The following PXN variants were observed in gnomAD, a reference collection of about 807,000 sequenced individuals.
PXN encodes the protein paxillin, also known as testicular tissue protein Li 134.
In PXN, 61 loss-of-function variants were observed where a neutral mutation model predicts 103.6. That is an observed-to-expected ratio of 0.59 (90% CI 0.48 to 0.73). The LOEUF (loss-of-function observed/expected upper bound fraction) is 0.73, where lower values mean the gene tolerates loss of function less well. Among genes scored for constraint, PXN ranks in the 30% least tolerant of loss-of-function variants. The pLI, the probability that PXN is intolerant of heterozygous loss-of-function variation, is 0.00. For missense variants in PXN, 1,274 were observed against 1,460.3 expected, an observed-to-expected ratio of 0.87 and a Z score of 2.08; for synonymous variants, 562 against 607.8, an observed-to-expected ratio of 0.92 and a Z score of 1.11.
At position 120,235,422 on chromosome 12, in the gene PXN, C is replaced by A. The variant is rs558537981; in HGVS notation, c.14-11045G>T. On this transcript the variant is annotated intron_variant, in intron 1 of 14. Coordinates refer to ENST00000637617, the MANE Select transcript of PXN (RefSeq NM_001385981.1). ...TTGTTGCCAGGGATTAGAATGCAGA[C>A]ACCCAGAGCCGCCCCATAAGGCCCC... 7.2e-5 allele frequency among the ~76,000 whole-genome samples: 11 copies of A among 152,258 alleles called. No individual in the cohort carries two copies. In the South Asian group the frequency reaches 1.2e-3, roughly 17 times the overall value.
At chr12:120,252,478 C>T (rs1892344338) in intron 1 of PXN, among the ~76,000 whole-genome samples, 1 of 152,032 alleles carries the variant, frequency 6.6e-6, no homozygotes, top group South Asian at 2.1e-4. Context: ...TAAGGTGAGT[C>T]AGGAGAAGGC....
rs1880072579 is a variant in PXN at position 120,211,114 on chromosome 12, G to A, written c.*1200C>T. On this transcript the variant is annotated 3_prime_UTR_variant, in exon 15 of 15. Transcript: ENST00000637617. ...GCAGTGGGGGCTCAGAAGGTTCAGT[G>A]GGTTCACAGGGGAGCAGAGGCTCCT... is the stretch of plus-strand genomic sequence containing the variant. 1 of 152,220 alleles carries A rather than the reference G, an allele frequency of 6.6e-6. No homozygotes were observed. Among genetic ancestry groups the A allele is most frequent in the South Asian group, 2.1e-4 (1 of 4,828 alleles). The allele number at this position is 152,220 out of a possible 1,614,324, so 9.4% of individuals were successfully genotyped here. A position where few individuals can be genotyped will look rare whatever the true frequency, so the allele number is the denominator to read the frequency against.
chr12:120,222,864 T>G lies in PXN; in HGVS notation c.492A>C (p.Ala164=). 6.2e-7 allele frequency: 1 copy of G among 1,613,696 alleles called. No individual in the cohort carries two copies. Among genetic ancestry groups the G allele is most frequent in the Non-Finnish European group, 8.5e-7 (1 of 1,179,736 alleles). Residue 164 remains alanine, a splice_region_variant and synonymous_variant, in exon 4 of 15, where the codon GCA becomes GCC. Transcript: ENST00000637617. The surrounding 1 kb of genome is among the most constrained non-coding windows in gnomAD (Gnocchi z 4.7). ...AVQHNPPGFP[A]DEANSSPPLP... ...CCTGCCCCAGGGACCCGGTCCTACC[T>G]GCAGGGAAGCCTGGCGGGTTATGCT...
Position 120,221,545 on chromosome 12 carries a change from C to A in PXN, c.831+78G>T. The A allele has an allele frequency of 6.9e-7, 1 of 1,453,094 alleles. No individual in the cohort carries two copies. Among genetic ancestry groups the A allele is most frequent in the African/African-American group, 1.4e-5 (1 of 71,610 alleles). 90.0% of individuals were successfully genotyped at this position (1,453,094 alleles called of 1,614,324 possible). Reference sequence around the variant, plus strand: ...CAAACACTGAGATGCCAAGATCCAGCTACCCACACTGAGGTAAGGGAGGAG... The same window carrying A: ...CAAACACTGAGATGCCAAGATCCAGATACCCACACTGAGGTAAGGGAGGAG... On this transcript the variant is annotated intron_variant, in intron 6 of 14. Coordinates refer to ENST00000637617, the MANE Select transcript of PXN (RefSeq NM_001385981.1). The surrounding 1 kb of genome is among the most constrained non-coding windows in gnomAD (Gnocchi z 6.6).
rs762172536 is a variant in PXN, at chr12:120,212,293, G to T, written c.*21C>A. 6.2e-7 allele frequency: 1 copy of T among 1,604,362 alleles called. No individual in the cohort carries two copies. The highest frequency in any genetic ancestry group is 1.1e-5 in the South Asian group (1 of 90,666). On this transcript the variant is annotated 3_prime_UTR_variant, in exon 15 of 15. Coordinates refer to ENST00000637617, the MANE Select transcript of PXN (RefSeq NM_001385981.1). This position sits in a 1 kb window ranked among gnomAD's most constrained non-coding sequence, Gnocchi z 7.2. ...TGGGGATGCTGGCTGGGGAAGGGGGGCAGAGACAGGGGCAGGGCACCTAGC... is the reference window on the plus strand; with the variant it reads ...TGGGGATGCTGGCTGGGGAAGGGGGTCAGAGACAGGGGCAGGGCACCTAGC...
rs1376649691 is a variant in PXN, at chr12:120,211,702, A to G, written c.*612T>C. 2.1e-5 allele frequency: 7 copies of G among 335,920 alleles called. No individual in the cohort carries two copies. Among genetic ancestry groups the G allele is most frequent in the Non-Finnish European group, 4.2e-5 (7 of 167,880 alleles). 20.8% of individuals were successfully genotyped at this position (335,920 alleles called of 1,614,324 possible). On this transcript the variant is annotated 3_prime_UTR_variant, in exon 15 of 15. Coordinates refer to ENST00000637617, the MANE Select transcript of PXN (RefSeq NM_001385981.1). ...GAGAGGCTTTTCTCAGTAGAACAAG[A>G]GCAGGTATAAAAGGGGAGGGCGGGT... is the stretch of plus-strand genomic sequence containing the variant.
intron 1 of PXN, chr12:120,226,426 C>T: frequency 7.8e-7 from 1 of 1,288,926 alleles, no homozygotes; most frequent in Non-Finnish European, 1.0e-6. Flanking sequence ...GAGTCACATC[C>T]CACACTGCCA....
Position 120,219,181 on chromosome 12 carries a change from C to T in PXN, c.1716+26G>A. 4.6e-6 allele frequency: 7 copies of T among 1,530,562 alleles called. No individual in the cohort carries two copies. The highest frequency in any genetic ancestry group is 5.3e-6 in the Non-Finnish European group (6 of 1,142,642). 94.8% of individuals were successfully genotyped at this position (1,530,562 alleles called of 1,614,324 possible). A position where few individuals can be genotyped will look rare whatever the true frequency, so the allele number is the denominator to read the frequency against. On this transcript the variant is annotated intron_variant, in intron 7 of 14. Coordinates refer to ENST00000637617, the MANE Select transcript of PXN (RefSeq NM_001385981.1). This position sits in a 1 kb window ranked among gnomAD's most constrained non-coding sequence, Gnocchi z 6.5. ...ACTCAGACCCGCCAATGGCCATGCC[C>T]AGCAGCCATGCGAGCTGGTGCCTGC... is the stretch of plus-strand genomic sequence containing the variant.
At position 120,220,642 on chromosome 12, in the gene PXN, C is replaced by G. The variant is rs147811439; in HGVS notation, c.832-551G>C. ...CTTAAAAGCACCGGGGCACAGCTCC[C>G]TCAGGCCAGGCCCTGAATCCAACTT... is the stretch of plus-strand genomic sequence containing the variant. On this transcript the variant is annotated intron_variant, in intron 6 of 14. Coordinates refer to ENST00000637617, the MANE Select transcript of PXN (RefSeq NM_001385981.1). This position sits in a 1 kb window ranked among gnomAD's most constrained non-coding sequence, Gnocchi z 6.1. Among the ~76,000 whole-genome samples the G allele has an allele frequency of 9.8e-5, 15 of 152,330 alleles. No homozygotes were observed. In the East Asian group the frequency reaches 2.5e-3, roughly 25 times the overall value.
At chr12:120,227,736 C>G (rs571509699) in intron 1 of PXN, among the ~76,000 whole-genome samples, 1 of 152,074 alleles carries the variant, frequency 6.6e-6, no homozygotes, top group Non-Finnish European at 1.5e-5. Context: ...TCCAAACCCC[C>G]CACAAACTCC....
rs114728283 is a variant in PXN, at chr12:120,228,683, G to A, written c.14-4306C>T. On this transcript the variant is annotated intron_variant, in intron 1 of 14. Transcript: ENST00000637617. This position sits in a 1 kb window ranked among gnomAD's most constrained non-coding sequence, Gnocchi z 4.7. ...GGAGGAACACAGCAAGCTAGTGGGA[G>A]GAACACAGGTAGCCTGGTATCACTT... Among the ~76,000 whole-genome samples the A allele has an allele frequency of 7.9e-3, 1,204 of 152,322 alleles. 9 individuals are homozygous for A. Among genetic ancestry groups the A allele is most frequent in the African/African-American group, 0.028 (1,151 of 41,564 alleles).
In PXN at chr12:120,222,876, T is replaced by C; in HGVS notation, c.480A>G (p.Pro160=). Residue 160 remains proline (P), a synonymous_variant, in exon 4 of 15, where the codon CCA becomes CCG. Coordinates refer to ENST00000637617, the MANE Select transcript of PXN (RefSeq NM_001385981.1). The surrounding 1 kb of genome is among the most constrained non-coding windows in gnomAD (Gnocchi z 4.7). ...ACCCGGTCCTACCTGCAGGGAAGCC[T>C]GGCGGGTTATGCTGTACAGCGTTCA... ...LELNAVQHNP[P]GFPADEANSS... is the part of the protein sequence containing the mutation. 6.2e-7 allele frequency: 1 copy of C among 1,613,812 alleles called. No homozygotes were observed. Among genetic ancestry groups the C allele is most frequent in the East Asian group, 2.2e-5 (1 of 44,850 alleles).
intron 1 of PXN, chr12:120,250,147 G>A (rs911297968): frequency 4.4e-5 from 43 of 985,582 alleles, no homozygotes; most frequent in Non-Finnish European, 4.9e-5. Context: ...GCCGAGCCAG[G>A]AGTACACAGG....
At chr12:120,227,977 G>A (rs1395186866) in intron 1 of PXN, among the ~76,000 whole-genome samples, 2 of 152,152 alleles carry the variant, frequency 1.3e-5, no homozygotes, top group Non-Finnish European at 2.9e-5. Context: ...ATCCCAGCGG[G>A]GTCCCCCAGT....
rs572893225 is a variant in PXN, at chr12:120,211,133, G to A, written c.*1181C>T. On this transcript the variant is annotated 3_prime_UTR_variant, in exon 15 of 15. Transcript: ENST00000637617. ...TTCAGTGGGTTCACAGGGGAGCAGAGGCTCCTGAGGGCTTACTCAGACAGG... is the reference window on the plus strand; with the variant it reads ...TTCAGTGGGTTCACAGGGGAGCAGAAGCTCCTGAGGGCTTACTCAGACAGG... 5 of 152,340 alleles carry A rather than the reference G, an allele frequency of 3.3e-5. No homozygotes were observed. In the East Asian group the frequency reaches 9.7e-4, roughly 29 times the overall value. 9.4% of individuals were successfully genotyped at this position (152,340 alleles called of 1,614,324 possible).
intron 1 of PXN, among the ~76,000 whole-genome samples, chr12:120,261,998 C>T (rs923505507): frequency 2.0e-5 from 3 of 152,204 alleles, no homozygotes; most frequent in Admixed American, 6.5e-5. Flanking sequence ...AGGGCACTAT[C>T]GCTGCATGGG....
chr12:120,231,057 G>A (rs1014163824), intron 1 of PXN, among the ~76,000 whole-genome samples: 1 of 152,240 alleles, frequency 6.6e-6, no homozygotes, highest in Non-Finnish European at 1.5e-5. Flanking sequence ...GGAAGCAGCA[G>A]TGAGCAGAGC....
In PXN at chr12:120,215,052, C is replaced by A; in HGVS notation, c.2574+51G>T. The A allele has an allele frequency of 6.2e-7, 1 of 1,601,548 alleles. No homozygotes were observed. The highest frequency in any genetic ancestry group is 8.5e-7 in the Non-Finnish European group (1 of 1,174,026). On this transcript the variant is annotated intron_variant, in intron 11 of 14. Transcript: ENST00000637617. The surrounding 1 kb of genome is among the most constrained non-coding windows in gnomAD (Gnocchi z 4.9). ...GCCAAGGCCAGCCCCGGAGCACCCC[C>A]ACCCCTGCAGGAGTCCACTGGCCAC... is the stretch of plus-strand genomic sequence containing the variant.
In PXN at chr12:120,212,102, C is replaced by T; in HGVS notation, c.*212G>A. On this transcript the variant is annotated 3_prime_UTR_variant, in exon 15 of 15. Transcript: ENST00000637617. This position sits in a 1 kb window ranked among gnomAD's most constrained non-coding sequence, Gnocchi z 7.2. Reference sequence around the variant, plus strand: ...TGGAGAGTGGGCAGCCTAGGGAGAGCTACAGGAGGGAGGAGGGGGCCCAGA... The same window carrying T: ...TGGAGAGTGGGCAGCCTAGGGAGAGTTACAGGAGGGAGGAGGGGGCCCAGA... 1.3e-6 allele frequency: 1 copy of T among 786,652 alleles called. No homozygotes were observed. Among genetic ancestry groups the T allele is most frequent in the South Asian group, 1.4e-5 (1 of 73,938 alleles). 48.7% of individuals were successfully genotyped at this position (786,652 alleles called of 1,614,324 possible).
Sources: allele counts gnomAD v4.1 joint callset (sites outside exome capture counted in the v4.1 genomes callset), GRCh38; gene constraint gnomAD v4.1.1; non-coding constraint Gnocchi (gnomAD v3.1); transcripts MANE v1.5; gene names NCBI Gene and HGNC (gene_info 2026-07-23, HGNC 2026-07-21).